The following HPS1 variants were observed in gnomAD, a reference collection of about 807,000 sequenced individuals.
HPS1 encodes the protein BLOC-3 complex member HPS1.
A neutral mutation model predicts 90.6 loss-of-function variants in HPS1; 59 were observed. That is an observed-to-expected ratio of 0.65 (90% CI 0.53 to 0.81). HPS1 has a LOEUF of 0.81. Ranked by LOEUF, HPS1 falls within the 30% of genes least tolerant of loss-of-function variation. HPS1 has a pLI of 0.00. For synonymous variants in HPS1, 388 were observed against 384.4 expected (o/e 1.01, Z -0.11); for missense variants, 849 against 896.7 (o/e 0.95, Z 0.68).
chr10:98,418,100 C>G, intron 19 of HPS1, 75 bp downstream of exon 19: 2 of 963,170 alleles, frequency 2.1e-6, no homozygotes, highest in East Asian at 2.4e-5. Flanking sequence ...GAAGCAGAAG[C>G]TGCTCCCGGC....
Position 98,435,911 on chromosome 10 carries a change from G to T in HPS1, c.118-139C>A. On this transcript the variant is annotated intron_variant, in intron 3 of 19. Transcript: ENST00000361490. This position sits in a 1 kb window ranked among gnomAD's most constrained non-coding sequence, Gnocchi z 4.3. ...GAGGGTATCACTGTCCTGGTAGGGAGGGGAGCAAAAAGAGACTGTCCCCAA... is the reference window on the plus strand; with the variant it reads ...GAGGGTATCACTGTCCTGGTAGGGATGGGAGCAAAAAGAGACTGTCCCCAA... The T allele has an allele frequency of 9.2e-7, 1 of 1,081,976 alleles. No individual in the cohort carries two copies. Among genetic ancestry groups the T allele is most frequent in the Non-Finnish European group, 1.3e-6 (1 of 744,972 alleles). 67.0% of individuals were successfully genotyped at this position (1,081,976 alleles called of 1,614,324 possible). A position where few individuals can be genotyped will look rare whatever the true frequency, so the allele number is the denominator to read the frequency against.
chr10:98,439,011 A>G (rs1042268640), intron 3 of HPS1, among the ~76,000 whole-genome samples: 4 of 152,226 alleles, frequency 2.6e-5, no homozygotes, highest in Non-Finnish European at 4.4e-5. Context: ...GCAAGCCCCA[A>G]GCTTTGGTGA....
intron 17 of HPS1, among the ~76,000 whole-genome samples, chr10:98,421,136 C>T (rs1369743308): frequency 1.3e-5 from 2 of 152,244 alleles, no homozygotes; most frequent in Admixed American, 6.5e-5. Flanking sequence ...CTCTCCTCTA[C>T]CCTTAACGGG....
In HPS1 at chr10:98,429,881, CG is replaced by C. The variant is rs1846167407; in HGVS notation, c.776del (p.Pro259ArgfsTer72). 6.2e-7 allele frequency: 1 copy of C among 1,611,160 alleles called. No homozygotes were observed. The highest frequency in any genetic ancestry group is 1.3e-5 in the African/African-American group (1 of 74,932). ...STAEDDIQPS[P>X]RRARSSQNIP... is the part of the protein sequence containing the mutation. ...TGTTCTGGCTGCTCCGGGCCCTCCG[CG>C]GGGAAGGCTGTGCAGGGCAGGGGAG... is the stretch of plus-strand genomic sequence containing the variant. On this transcript the variant is annotated frameshift_variant, in exon 9 of 20. Coordinates refer to ENST00000361490, the MANE Select transcript of HPS1 (RefSeq NM_000195.5). LOFTEE classifies it high-confidence loss of function.
At chr10:98,415,259 C>G (rs930107541), downstream of HPS1, 3 of 1,279,804 alleles carry the variant, frequency 2.3e-6, no homozygotes, top group Non-Finnish European at 3.2e-6. Context: ...CCCCTCCAGG[C>G]CCCCTCCACC....
At chr10:98,434,190 G>A in intron 5 of HPS1, 99 bp from the exon 6 acceptor site, 2 of 1,281,030 alleles carry the variant, frequency 1.6e-6, no homozygotes, top group Admixed American at 2.2e-5. Context: ...ATCAGAGCTT[G>A]GTGAGCCCAT....
In HPS1 at chr10:98,443,232, G is replaced by A. The variant is rs750909242; in HGVS notation, c.9C>T (p.Cys3=). MK[C]VLVATEGAEV... is the part of the protein sequence containing the mutation. ...CTGCGCCCTCAGTGGCCACCAAGAC[G>A]CACTTCATCTGCCAGGGAAAGGCAA... Residue 3 remains cysteine (C), a synonymous_variant, in exon 3 of 20, where the codon TGC becomes TGT. Coordinates refer to ENST00000361490, the MANE Select transcript of HPS1 (RefSeq NM_000195.5). 1.6e-5 allele frequency: 26 copies of A among 1,612,784 alleles called. No individual in the cohort carries two copies. Among genetic ancestry groups the A allele is most frequent in the Middle Eastern group, 1.6e-4 (1 of 6,082 alleles).
In HPS1 at chr10:98,416,349, G is replaced by A. The variant is rs3830024; in HGVS notation, c.*1215C>T. On this transcript the variant is annotated 3_prime_UTR_variant, in exon 20 of 20. Transcript: ENST00000361490. ...GGGTCCTGAACAGTGGTGGGCTCAGGGGATTGGAGTTTTTTCCTTTATGTT... is the reference window on the plus strand; with the variant it reads ...GGGTCCTGAACAGTGGTGGGCTCAGAGGATTGGAGTTTTTTCCTTTATGTT... The A allele has an allele frequency of 0.35, 53,120 of 152,080 alleles. 10,414 individuals carry two copies. Among genetic ancestry groups the A allele is most frequent in the African/African-American group, 0.53 (21,804 of 41,370 alleles). 9.4% of individuals were successfully genotyped at this position (152,080 alleles called of 1,614,324 possible).
At position 98,424,216 on chromosome 10, in the gene HPS1, C is replaced by T. The variant is rs576546734; in HGVS notation, c.1397+97G>A. ...AATCTCCTTTCTTGAAATTATTTTG[C>T]TGATAAATGAAGGGCAGTGGTGGAG... On this transcript the variant is annotated intron_variant, in intron 14 of 19. Coordinates refer to ENST00000361490, the MANE Select transcript of HPS1 (RefSeq NM_000195.5). 20 of 912,006 alleles carry T rather than the reference C, an allele frequency of 2.2e-5. No individual in the cohort carries two copies. In the East Asian group the frequency reaches 3.3e-4, roughly 15 times the overall value. The allele number at this position is 912,006 out of a possible 1,614,324, so 56.5% of individuals were successfully genotyped here.
intron 10 of HPS1, chr10:98,429,201 T>C: frequency 9.6e-7 from 1 of 1,037,946 alleles, no homozygotes; most frequent in Non-Finnish European, 1.2e-6. Context: ...AGAAACAAAG[T>C]ATAAACTACA....
At chr10:98,415,031 A>G (rs201997380), downstream of HPS1, 1 of 1,613,502 alleles carries the variant, frequency 6.2e-7, no homozygotes, top group East Asian at 2.2e-5. Flanking sequence ...CCACCGCATC[A>G]TACTCAGGCT....
At chr10:98,429,159 G>GTTT in intron 10 of HPS1, 2 of 1,020,880 alleles carry the variant, frequency 2.0e-6, no homozygotes, top group Non-Finnish European at 2.4e-6. Flanking sequence ...AATATTTATA[G>GTTT]TTTTTTTTTA....
rs1471469013 is a variant in HPS1 at position 98,423,585 on chromosome 10, G to T, written c.1598+18C>A. ...CAAGAGGCTTGTTGGGCTGGCTGGG[G>T]CCCCGGCGTCAGGATATGACACCAT... On this transcript the variant is annotated intron_variant, in intron 16 of 19. Transcript: ENST00000361490. 1 of 1,613,274 alleles carries T rather than the reference G, an allele frequency of 6.2e-7. No individual in the cohort carries two copies. Among genetic ancestry groups the T allele is most frequent in the East Asian group, 2.2e-5 (1 of 44,870 alleles).
rs201075949 is a variant in HPS1 at position 98,429,599 on chromosome 10, G to A, written c.911C>T (p.Ala304Val). 6.2e-7 allele frequency: 1 copy of A among 1,614,126 alleles called. No individual in the cohort carries two copies. The highest frequency in any genetic ancestry group is 1.3e-5 in the African/African-American group (1 of 74,952). The change falls in exon 10 of 20, where the codon GCT becomes GTT. Residue 304 changes from alanine to valine, a missense_variant. Transcript: ENST00000361490. Reference sequence around the variant, plus strand: ...TGAGCTCTGATCGCCAGGGGAAGGAGCTGGTGTGAAGTACTCCTCAGGGAG... The same window carrying A: ...TGAGCTCTGATCGCCAGGGGAAGGAACTGGTGTGAAGTACTCCTCAGGGAG... ...FSLPEEYFTPAPSPGDQSSGS... is the reference protein window; with the variant it reads ...FSLPEEYFTPVPSPGDQSSGS...
Position 98,429,592 on chromosome 10 carries a change from G to GGAAGGAGCTGGTGT in HPS1, c.904_917dup (p.Pro307HisfsTer29), listed in dbSNP as rs760395614. 1 of 1,614,224 alleles carries GGAAGGAGCTGGTGT rather than the reference G, an allele frequency of 6.2e-7. No homozygotes were observed. Among genetic ancestry groups the GGAAGGAGCTGGTGT allele is most frequent in the African/African-American group, 1.3e-5 (1 of 75,064 alleles). ...CCTCACCTGAGCTCTGATCGCCAGG[G>GGAAGGAGCTGGTGT]GAAGGAGCTGGTGTGAAGTACTCCT... On this transcript the variant is annotated frameshift_variant, in exon 10 of 20. Transcript: ENST00000361490. LOFTEE classifies it high-confidence loss of function.
chr10:98,422,632 A>G (rs1845041817), intron 16 of HPS1, 119 bp from the exon 17 acceptor site: 1 of 1,014,682 alleles, frequency 9.9e-7, no homozygotes, highest in Non-Finnish European at 1.6e-6. Flanking sequence ...TCTTTCCAGC[A>G]GCTTCCATTT....
rs1226597544 is a variant in HPS1, at chr10:98,416,323, G to T, written c.*1241C>A. 1 of 152,364 alleles carries T rather than the reference G, an allele frequency of 6.6e-6. No individual in the cohort carries two copies. Among genetic ancestry groups the T allele is most frequent in the African/African-American group, 2.4e-5 (1 of 41,446 alleles). The allele number at this position is 152,364 out of a possible 1,614,324, so 9.4% of individuals were successfully genotyped here. A position where few individuals can be genotyped will look rare whatever the true frequency, so the allele number is the denominator to read the frequency against. On this transcript the variant is annotated 3_prime_UTR_variant, in exon 20 of 20. Coordinates refer to ENST00000361490, the MANE Select transcript of HPS1 (RefSeq NM_000195.5). ...AGGGAAATAGTAGGTGACAAAAGCA[G>T]GGGTCCTGAACAGTGGTGGGCTCAG...
In HPS1 at chr10:98,435,917, CAA is replaced by C; in HGVS notation, c.118-147_118-146del. ...ATCACTGTCCTGGTAGGGAGGGGAG[CAA>C]AAAGAGACTGTCCCCAACACTTCGG... On this transcript the variant is annotated intron_variant, in intron 3 of 19. Transcript: ENST00000361490. This position sits in a 1 kb window ranked among gnomAD's most constrained non-coding sequence, Gnocchi z 4.3. 1 of 958,818 alleles carries C rather than the reference CAA, an allele frequency of 1.0e-6. No individual in the cohort carries two copies. Among genetic ancestry groups the C allele is most frequent in the Non-Finnish European group, 1.6e-6 (1 of 640,228 alleles). 59.4% of individuals were successfully genotyped at this position (958,818 alleles called of 1,614,324 possible).
chr10:98,438,749 G>C (rs1238703298), intron 3 of HPS1, among the ~76,000 whole-genome samples: 1 of 152,246 alleles, frequency 6.6e-6, no homozygotes, highest in East Asian at 1.9e-4. Flanking sequence ...AGCCCTGGCT[G>C]CAGAAATTTG....
Sources: allele counts gnomAD v4.1 joint callset (sites outside exome capture counted in the v4.1 genomes callset), GRCh38; gene constraint gnomAD v4.1.1; non-coding constraint Gnocchi (gnomAD v3.1); transcripts MANE v1.5; gene names NCBI Gene and HGNC (gene_info 2026-07-23, HGNC 2026-07-21).